The following RBM20 variants were observed in gnomAD, a reference collection of about 807,000 sequenced individuals.
RBM20 encodes RNA binding motif protein 20.
A neutral mutation model predicts 110.1 loss-of-function variants in RBM20; 51 were observed. That is an observed-to-expected ratio of 0.46 (90% CI 0.37 to 0.59). The LOEUF (loss-of-function observed/expected upper bound fraction) is 0.59, where lower values mean the gene tolerates loss of function less well. RBM20 is among the 20% of genes least tolerant of loss of function. The probability of loss-of-function intolerance (pLI) is 0.00; values close to 1 mark genes in which losing one functional copy is unlikely to be tolerated. For missense variants in RBM20, 1,512 were observed against 1,574.9 expected (o/e 0.96, Z 0.68); for synonymous variants, 589 against 618.2 (o/e 0.95, Z 0.70).
intron 1 of RBM20, among the ~76,000 whole-genome samples, chr10:110,745,030 T>G (rs962243219): frequency 1.3e-5 from 2 of 152,212 alleles, no homozygotes; most frequent in African/African-American, 2.4e-5. Context: ...ATCTTTCTTA[T>G]GCACTGTCAC....
At chr10:110,809,995 C>T (rs1056120833) in intron 7 of RBM20, among the ~76,000 whole-genome samples, 6 of 152,234 alleles carry the variant, frequency 3.9e-5, no homozygotes, top group African/African-American at 1.4e-4. Flanking sequence ...ATCTTCAAGT[C>T]TTTCCAAGTT....
intron 7 of RBM20, among the ~76,000 whole-genome samples, chr10:110,802,039 A>G (rs767453815): frequency 1.8e-4 from 28 of 152,202 alleles, no homozygotes; most frequent in African/African-American, 6.3e-4. Flanking sequence ...CACGTAGTCT[A>G]TTTGGATTTC....
intron 1 of RBM20, among the ~76,000 whole-genome samples, chr10:110,658,255 G>A (rs1163384169): frequency 2.6e-5 from 4 of 152,204 alleles, no homozygotes; most frequent in African/African-American, 9.6e-5. Context: ...GCAGTTCGGT[G>A]GAGCAGGGGA....
chr10:110,776,806 G>A (rs1212708953), intron 1 of RBM20, among the ~76,000 whole-genome samples: 1 of 152,164 alleles, frequency 6.6e-6, no homozygotes, highest in Non-Finnish European at 1.5e-5. Flanking sequence ...CCTACTGCAG[G>A]GATTATCCAC....
chr10:110,781,903 G>A lies in RBM20; in HGVS notation c.1275+19G>A. 1 of 1,551,714 alleles carries A rather than the reference G, an allele frequency of 6.4e-7. No individual in the cohort carries two copies. On this transcript the variant is annotated intron_variant, in intron 2 of 13. Transcript: ENST00000369519. ...TTTGAAGGTGAGTTGTCCAAGACAG[G>A]CTGGGAGCCACAGCTAGAAGCCTGG...
chr10:110,703,378 C>CAA lies in RBM20; in HGVS notation c.191+58744_191+58745dup, dbSNP rs1022014069. On this transcript the variant is annotated intron_variant, in intron 1 of 13. Transcript: ENST00000369519. ...GGACAACAACGGTGAAACTCTGTCTCAAAAAAAAAAAAGAAAGAAAGAAAG... is the reference window on the plus strand; with the variant it reads ...GGACAACAACGGTGAAACTCTGTCTCAAAAAAAAAAAAAAGAAAGAAAGAAAG... Among the ~76,000 whole-genome samples the CAA allele has an allele frequency of 5.6e-3, 629 of 113,078 alleles. 6 individuals carry two copies. Among genetic ancestry groups the CAA allele is most frequent in the African/African-American group, 0.02 (588 of 30,118 alleles). 74.2% of individuals were successfully genotyped at this position (113,078 alleles called of 152,430 possible).
intron 1 of RBM20, among the ~76,000 whole-genome samples, chr10:110,743,751 G>T (rs749779232): frequency 6.6e-6 from 1 of 152,100 alleles, no homozygotes; most frequent in Non-Finnish European, 1.5e-5. Flanking sequence ...GAGTAGCTGG[G>T]ACCACAGATG....
At chr10:110,794,872 C>T (rs192454538) in intron 5 of RBM20, among the ~76,000 whole-genome samples, 95 of 152,332 alleles carry the variant, frequency 6.2e-4, no homozygotes, top group Non-Finnish European at 2.1e-4. Flanking sequence ...TTTTCTACTA[C>T]CCAGCAGCAG....
At chr10:110,666,790 A>T (rs1412156818) in intron 1 of RBM20, among the ~76,000 whole-genome samples, 2 of 152,174 alleles carry the variant, frequency 1.3e-5, no homozygotes, top group African/African-American at 2.4e-5. Flanking sequence ...CTATTGTAGG[A>T]TTGTTTAGAT....
At chr10:110,803,226 A>ACT (rs777076158) in intron 7 of RBM20, among the ~76,000 whole-genome samples, 2 of 152,224 alleles carry the variant, frequency 1.3e-5, no homozygotes, top group Non-Finnish European at 2.9e-5. Flanking sequence ...AAATTCAGGA[A>ACT]CTTGCCCAGG....
chr10:110,766,745 A>G (rs2135012915), intron 1 of RBM20, among the ~76,000 whole-genome samples: 1 of 151,464 alleles, frequency 6.6e-6, no homozygotes, highest in South Asian at 2.1e-4. Context: ...AGACACGGCA[A>G]CCATCCGATT....
At chr10:110,712,770 C>A (rs1013869411) in intron 1 of RBM20, among the ~76,000 whole-genome samples, 1 of 152,056 alleles carries the variant, frequency 6.6e-6, no homozygotes, top group African/African-American at 2.4e-5. Flanking sequence ...CTGTGCCCTG[C>A]CCCCAAAAAA....
At chr10:110,736,562 A>G (rs1843672563) in intron 1 of RBM20, among the ~76,000 whole-genome samples, 1 of 152,202 alleles carries the variant, frequency 6.6e-6, no homozygotes, top group Non-Finnish European at 1.5e-5. Flanking sequence ...ACCAATCCAG[A>G]TGACAGAAAC....
At chr10:110,720,156 G>A (rs1194090233) in intron 1 of RBM20, among the ~76,000 whole-genome samples, 1 of 152,212 alleles carries the variant, frequency 6.6e-6, no homozygotes, top group Non-Finnish European at 1.5e-5. Context: ...CAATGCAGGT[G>A]AGATGCCAAC....
intron 1 of RBM20, chr10:110,761,248 C>T (rs1201523848): frequency 1.3e-5 from 2 of 151,914 alleles, no homozygotes; most frequent in Non-Finnish European, 2.9e-5. Flanking sequence ...AGAAAACTTA[C>T]AAAAGGAAAG....
At chr10:110,645,662 G>A (rs1046225524) in intron 1 of RBM20, among the ~76,000 whole-genome samples, 1 of 152,158 alleles carries the variant, frequency 6.6e-6, no homozygotes, top group Non-Finnish European at 1.5e-5. Context: ...GGGTGTAAAT[G>A]GAAGTAAATA....
intron 5 of RBM20, among the ~76,000 whole-genome samples, chr10:110,795,922 C>T (rs1221549252): frequency 6.6e-6 from 1 of 152,162 alleles, no homozygotes; most frequent in East Asian, 1.9e-4. Flanking sequence ...GGGGGTCGTG[C>T]CAGGGTGCCG....
chr10:110,779,109 A>G (rs1164863514), intron 1 of RBM20, among the ~76,000 whole-genome samples: 4 of 152,186 alleles, frequency 2.6e-5, no homozygotes, highest in African/African-American at 9.7e-5. Context: ...GAATCGGATA[A>G]ATATCTTTTT....
upstream of RBM20, chr10:110,644,289 C>A: frequency 2.2e-6 from 1 of 464,576 alleles, no homozygotes; most frequent in Non-Finnish European, 3.6e-6. This position sits in a 1 kb window ranked among gnomAD's most constrained non-coding sequence, Gnocchi z 4.3. Context: ...CGGGAGGAGG[C>A]GGCGCCGCCA....
Sources: gnomAD v4.1 joint callset for allele counts (sites outside exome capture counted in the v4.1 genomes callset) on GRCh38, gnomAD v4.1.1 for gene constraint, Gnocchi (gnomAD v3.1) non-coding constraint, MANE v1.5 for transcripts, NCBI Gene and HGNC (gene_info 2026-07-23, HGNC 2026-07-21) for gene names.